The following ANKS1A variants were observed in gnomAD, a reference collection of about 807,000 sequenced individuals.
ANKS1A encodes ankyrin repeat and sterile alpha motif domain containing 1A.
A neutral mutation model predicts 120.3 loss-of-function variants in ANKS1A; 55 were observed. The ratio of observed to expected loss-of-function variants is 0.46; its 90% confidence interval spans 0.37 to 0.57. The LOEUF (loss-of-function observed/expected upper bound fraction) is 0.57. Among genes scored for constraint, ANKS1A ranks in the 20% least tolerant of loss-of-function variants. The pLI is 0.00. For missense variants in ANKS1A, 1,123 were observed against 1,480.3 expected, an observed-to-expected ratio of 0.76 and a Z score of 3.96; for synonymous variants, 590 against 604.7, an observed-to-expected ratio of 0.98 and a Z score of 0.36.
In ANKS1A at chr6:35,060,076, C is replaced by A; in HGVS notation, c.2078-71C>A. 1 of 1,283,800 alleles carries A rather than the reference C, an allele frequency of 7.8e-7. No homozygotes were observed. The highest frequency in any genetic ancestry group is 1.1e-6 in the Non-Finnish European group (1 of 899,600). The allele number at this position is 1,283,800 out of a possible 1,614,324, so 79.5% of individuals were successfully genotyped here. A position where few individuals can be genotyped will look rare whatever the true frequency, so the allele number is the denominator to read the frequency against. ...TGATGTGGCAATGCCATCTATCTTC[C>A]TCTGAGTGCCGCTGCTACCGCCTTA... On this transcript the variant is annotated intron_variant, in intron 12 of 23. Coordinates refer to ENST00000360359, the MANE Select transcript of ANKS1A (RefSeq NM_015245.3). This position sits in a 1 kb window ranked among gnomAD's most constrained non-coding sequence, Gnocchi z 4.5.
intron 1 of ANKS1A, among the ~76,000 whole-genome samples, chr6:34,905,263 C>T (rs1391868838): frequency 6.6e-6 from 1 of 152,240 alleles, no homozygotes; most frequent in African/African-American, 2.4e-5. Flanking sequence ...TCCTCTGATC[C>T]AGCCTGGTGG....
chr6:35,078,286 T>G (rs1477794831), intron 13 of ANKS1A, among the ~76,000 whole-genome samples: 1 of 152,116 alleles, frequency 6.6e-6, no homozygotes, highest in Non-Finnish European at 1.5e-5. Flanking sequence ...GGCCGGGACT[T>G]GTGGCTGGGC....
intron 1 of ANKS1A, among the ~76,000 whole-genome samples, chr6:34,961,083 T>C (rs1770615605): frequency 6.6e-6 from 1 of 152,226 alleles, no homozygotes; most frequent in Non-Finnish European, 1.5e-5. Flanking sequence ...AGCTATTGCA[T>C]TTCTGCACAA....
chr6:35,011,151 A>G (rs1316598908), intron 10 of ANKS1A, among the ~76,000 whole-genome samples: 1 of 152,224 alleles, frequency 6.6e-6, no homozygotes, highest in Non-Finnish European at 1.5e-5. Flanking sequence ...GCACAGAAGG[A>G]GTAGTACTCA....
chr6:34,952,561 C>T (rs1158804830), intron 1 of ANKS1A, among the ~76,000 whole-genome samples: 1 of 152,194 alleles, frequency 6.6e-6, no homozygotes, highest in Non-Finnish European at 1.5e-5. Context: ...GACAAATACA[C>T]ACTCACTCAC....
intron 3 of ANKS1A, among the ~76,000 whole-genome samples, chr6:34,975,933 T>G (rs1771551133): frequency 6.6e-6 from 1 of 150,946 alleles, no homozygotes; most frequent in African/African-American, 2.4e-5. Context: ...AGGTCAGGAG[T>G]TCGAGACCAG....
intron 1 of ANKS1A, among the ~76,000 whole-genome samples, chr6:34,910,411 A>T (rs538382578): frequency 1.1e-4 from 17 of 152,224 alleles, no homozygotes; most frequent in African/African-American, 3.1e-4. Context: ...CAAAAAATTT[A>T]AAAATTAGCC....
At position 35,086,146 on chromosome 6, in the gene ANKS1A, T is replaced by A; in HGVS notation, c.3303+210T>A. 5.1e-6 allele frequency: 6 copies of A among 1,182,812 alleles called. No homozygotes were observed. The highest frequency in any genetic ancestry group is 7.0e-6 in the Non-Finnish European group (6 of 857,210). 73.3% of individuals were successfully genotyped at this position (1,182,812 alleles called of 1,614,324 possible). ...CCTGGGCGGGCCTCTCATGCTCCTGTTTCCCTCCCTCGCTGGGCTCCCCCA... is the reference window on the plus strand; with the variant it reads ...CCTGGGCGGGCCTCTCATGCTCCTGATTCCCTCCCTCGCTGGGCTCCCCCA... On this transcript the variant is annotated intron_variant, in intron 22 of 23. Transcript: ENST00000360359. The surrounding 1 kb of genome is among the most constrained non-coding windows in gnomAD (Gnocchi z 5.1).
Position 35,090,275 on chromosome 6 carries a change from G to T in ANKS1A, c.*1666G>T. ...CTACCGCTGTACAGTTCTCGGCCCC[G>T]GCTTTCTTCCAAGAGTTGACCAGGA... On this transcript the variant is annotated 3_prime_UTR_variant, in exon 24 of 24. Transcript: ENST00000360359. 7.8e-7 allele frequency: 1 copy of T among 1,289,730 alleles called. No homozygotes were observed. The highest frequency in any genetic ancestry group is 1.2e-5 in the South Asian group (1 of 81,020). The allele number at this position is 1,289,730 out of a possible 1,614,324, so 79.9% of individuals were successfully genotyped here.
chr6:34,978,954 G>A (rs749865002), intron 3 of ANKS1A, among the ~76,000 whole-genome samples: 57 of 151,694 alleles, frequency 3.8e-4, no homozygotes, highest in Non-Finnish European at 6.3e-4. Flanking sequence ...GGAGTGCAGT[G>A]GCGCAATCTC....
chr6:34,918,044 G>A (rs1768254283), intron 1 of ANKS1A, among the ~76,000 whole-genome samples: 1 of 152,086 alleles, frequency 6.6e-6, no homozygotes, highest in Non-Finnish European at 1.5e-5. Context: ...TCTCTGCCGT[G>A]TTCTACCCTC....
chr6:35,084,366 C>A lies in ANKS1A; in HGVS notation c.3132+108C>A. 1 of 1,445,436 alleles carries A rather than the reference C, an allele frequency of 6.9e-7. No homozygotes were observed. Among genetic ancestry groups the A allele is most frequent in the Non-Finnish European group, 9.2e-7 (1 of 1,087,890 alleles). The allele number at this position is 1,445,436 out of a possible 1,614,324, so 89.5% of individuals were successfully genotyped here. ...GCGCTGTCCTGGCCCCTGGCCAGTG[C>A]CTGGCAAATGTTTGGTTCATGAATG... On this transcript the variant is annotated intron_variant, in intron 21 of 23. Coordinates refer to ENST00000360359, the MANE Select transcript of ANKS1A (RefSeq NM_015245.3). This position sits in a 1 kb window ranked among gnomAD's most constrained non-coding sequence, Gnocchi z 4.8.
intron 1 of ANKS1A, among the ~76,000 whole-genome samples, chr6:34,906,535 A>G (rs1420652462): frequency 6.6e-6 from 1 of 152,254 alleles, no homozygotes; most frequent in African/African-American, 2.4e-5. Flanking sequence ...AGTTTTCACT[A>G]TCAATGACTG....
At chr6:35,037,280 A>T (rs1352787444) in intron 11 of ANKS1A, among the ~76,000 whole-genome samples, 3 of 152,230 alleles carry the variant, frequency 2.0e-5, no homozygotes, top group African/African-American at 7.2e-5. Context: ...TGACTTCCCT[A>T]ATTACACAGA....
downstream of ANKS1A, among the ~76,000 whole-genome samples, chr6:35,093,799 C>A (rs1357069668): frequency 1.3e-5 from 2 of 152,190 alleles, no homozygotes; most frequent in Non-Finnish European, 2.9e-5. Flanking sequence ...CAATAAATAA[C>A]TGCTCTACTC....
chr6:35,073,188 G>A (rs1777162744), intron 13 of ANKS1A, among the ~76,000 whole-genome samples: 1 of 152,188 alleles, frequency 6.6e-6, no homozygotes, highest in Admixed American at 6.5e-5. Context: ...CCCAGGACAG[G>A]CCACACGTCA....
chr6:34,969,889 T>C (rs759673608), intron 2 of ANKS1A, 121 bp from the exon 3 acceptor site: 4 of 1,189,194 alleles, frequency 3.4e-6, no homozygotes, highest in Non-Finnish European at 4.7e-6. Context: ...TGAGCTCAGG[T>C]AGAGACACAG....
In ANKS1A at chr6:35,079,797, A is replaced by C. The variant is rs545960985; in HGVS notation, c.2437-24A>C. ...GAGTGAGTTGGCCACCTGACCTGTC[A>C]CCTCGCTGCTCCTCATCACCCAGGT... On this transcript the variant is annotated intron_variant, in intron 15 of 23. Transcript: ENST00000360359. 5 of 1,590,418 alleles carry C rather than the reference A, an allele frequency of 3.1e-6. No homozygotes were observed. In the Admixed American group the frequency reaches 9.0e-5, roughly 29 times the overall value.
At chr6:34,898,313 A>G (rs1342378260) in intron 1 of ANKS1A, among the ~76,000 whole-genome samples, 3 of 152,200 alleles carry the variant, frequency 2.0e-5, no homozygotes, top group Admixed American at 2.0e-4. Context: ...TTACAAAGCA[A>G]TCCAGGTCCA....
Sources: allele counts gnomAD v4.1 joint callset (sites outside exome capture counted in the v4.1 genomes callset), GRCh38; gene constraint gnomAD v4.1.1; non-coding constraint Gnocchi (gnomAD v3.1); transcripts MANE v1.5; gene names NCBI Gene and HGNC (gene_info 2026-07-23, HGNC 2026-07-21).